The following CCSER1 variants were observed in gnomAD, a reference collection of about 807,000 sequenced individuals.
CCSER1 encodes serine-rich coiled-coil domain-containing protein 1.
In CCSER1, 41 loss-of-function variants were observed where a neutral mutation model predicts 82.0. The observed-to-expected ratio is 0.50, with a 90% CI of 0.39 to 0.65. The LOEUF (loss-of-function observed/expected upper bound fraction) is 0.65. Among genes scored for constraint, CCSER1 ranks in the 30% least tolerant of loss-of-function variants. The pLI, the probability that CCSER1 is intolerant of heterozygous loss-of-function variation, is 0.00. For missense variants in CCSER1, 1,119 were observed against 1,064.2 expected, an observed-to-expected ratio of 1.05 and a Z score of -0.72; for synonymous variants, 414 against 383.9, an observed-to-expected ratio of 1.08 and a Z score of -0.92.
Position 90,510,716 on chromosome 4 carries a change from G to A in CCSER1, c.1724+42362G>A, listed in dbSNP as rs1560635576. Among the ~76,000 whole-genome samples the A allele has an allele frequency of 2.0e-5, 3 of 152,322 alleles. No homozygotes were observed. In the South Asian group the frequency reaches 6.2e-4, roughly 32 times the overall value. On this transcript the variant is annotated intron_variant, in intron 5 of 10. Coordinates refer to ENST00000509176, the MANE Select transcript of CCSER1 (RefSeq NM_001145065.2). Reference sequence around the variant, plus strand: ...CTGCCATGAGCAGCCATAAACACCTGCTCACTGATGACATCTCATAGCTAG... The same window carrying A: ...CTGCCATGAGCAGCCATAAACACCTACTCACTGATGACATCTCATAGCTAG...
chr4:91,175,913 G>C (rs1361501956), intron 10 of CCSER1, among the ~76,000 whole-genome samples: 1 of 152,198 alleles, frequency 6.6e-6, no homozygotes, highest in Non-Finnish European at 1.5e-5. Flanking sequence ...CCTATGTCCT[G>C]AATGTTATTG....
intron 8 of CCSER1, among the ~76,000 whole-genome samples, chr4:90,897,566 C>T (rs1405236688): frequency 6.6e-6 from 1 of 152,000 alleles, no homozygotes; most frequent in Non-Finnish European, 1.5e-5. Context: ...GGTTTCATGA[C>T]TTTACTATTG....
At chr4:90,663,573 C>T (rs984682294) in intron 6 of CCSER1, among the ~76,000 whole-genome samples, 6 of 152,208 alleles carry the variant, frequency 3.9e-5, no homozygotes, top group African/African-American at 1.2e-4. Context: ...TCACTGCAAG[C>T]TTAAACCCTG....
At chr4:90,583,955 A>C (rs1465930699) in intron 5 of CCSER1, among the ~76,000 whole-genome samples, 4 of 152,146 alleles carry the variant, frequency 2.6e-5, no homozygotes, top group Admixed American at 2.6e-4. Context: ...AATAATATAA[A>C]AGGTACAATT....
intron 10 of CCSER1, among the ~76,000 whole-genome samples, chr4:91,275,009 G>A (rs1030643649): frequency 6.6e-6 from 1 of 151,984 alleles, no homozygotes; most frequent in Admixed American, 6.5e-5. Flanking sequence ...GGGAGGCTGA[G>A]GCAGGAGAAT....
intron 10 of CCSER1, among the ~76,000 whole-genome samples, chr4:91,433,989 T>C (rs910327302): frequency 6.6e-6 from 1 of 152,168 alleles, no homozygotes; most frequent in Non-Finnish European, 1.5e-5. Flanking sequence ...GTAACACTAA[T>C]AGGGACAAGG....
intron 10 of CCSER1, among the ~76,000 whole-genome samples, chr4:91,233,435 A>G (rs1327225922): frequency 6.6e-6 from 1 of 151,908 alleles, no homozygotes; most frequent in East Asian, 1.9e-4. Context: ...TGTGAATTTT[A>G]TTTAAGTTAT....
At position 90,932,982 on chromosome 4, in the gene CCSER1, G is replaced by A. The variant is rs796407613; in HGVS notation, c.2172+9535G>A. On this transcript the variant is annotated intron_variant, in intron 9 of 10. Coordinates refer to ENST00000509176, the MANE Select transcript of CCSER1 (RefSeq NM_001145065.2). ...AGAAAGAAAGAAAGAAAGAAAGAAA[G>A]AGAAAGAAAGAAAGAAAGAAAGAAA... Among the ~76,000 whole-genome samples, 46 of 18,846 alleles carry A rather than the reference G, an allele frequency of 2.4e-3. 7 individuals carry two copies. The highest frequency in any genetic ancestry group is 0.045 in the Middle Eastern group (2 of 44). The allele number at this position is 18,846 out of a possible 152,430, so 12.4% of individuals were successfully genotyped here. A position where few individuals can be genotyped will look rare whatever the true frequency, so the allele number is the denominator to read the frequency against.
At chr4:90,913,129 C>T (rs1227698195) in intron 8 of CCSER1, among the ~76,000 whole-genome samples, 1 of 152,036 alleles carries the variant, frequency 6.6e-6, no homozygotes, top group African/African-American at 2.4e-5. Context: ...ATTCAGGAAA[C>T]ACAGAGAACA....
intron 5 of CCSER1, among the ~76,000 whole-genome samples, chr4:90,580,800 T>C (rs1781343954): frequency 6.6e-6 from 1 of 152,212 alleles, no homozygotes; most frequent in Non-Finnish European, 1.5e-5. Context: ...ATAACACTAT[T>C]GTAGCCTCTG....
chr4:91,093,280 T>C (rs1044934265), intron 10 of CCSER1, among the ~76,000 whole-genome samples: 8 of 152,190 alleles, frequency 5.3e-5, no homozygotes, highest in African/African-American at 1.9e-4. Context: ...CTGATGCCCA[T>C]GACTGGTCTC....
At chr4:90,438,520 A>G (rs1435218842) in intron 4 of CCSER1, among the ~76,000 whole-genome samples, 1 of 152,198 alleles carries the variant, frequency 6.6e-6, no homozygotes, top group Non-Finnish European at 1.5e-5. Flanking sequence ...AAACCTGATT[A>G]GTACTATAGT....
chr4:90,988,415 A>G (rs943580284), intron 9 of CCSER1, among the ~76,000 whole-genome samples: 26 of 148,584 alleles, frequency 1.7e-4, no homozygotes, highest in Non-Finnish European at 3.3e-4. Context: ...TTTTTGGTTC[A>G]TATAACATAA....
intron 10 of CCSER1, among the ~76,000 whole-genome samples, chr4:91,513,133 G>A (rs1024601590): frequency 6.6e-6 from 1 of 152,014 alleles, no homozygotes; most frequent in Admixed American, 6.6e-5. Flanking sequence ...ATATTTTGAG[G>A]TATGTTCTTT....
At chr4:90,396,452 A>T (rs1007675784) in intron 3 of CCSER1, among the ~76,000 whole-genome samples, 1 of 152,204 alleles carries the variant, frequency 6.6e-6, no homozygotes, top group African/African-American at 2.4e-5. Flanking sequence ...TTTTATAAAC[A>T]TAAGTATAAT....
At chr4:90,232,317 C>T (rs1357727520) in intron 1 of CCSER1, among the ~76,000 whole-genome samples, 6 of 151,052 alleles carry the variant, frequency 4.0e-5, no homozygotes, top group South Asian at 2.1e-4. Context: ...GAAATAATGC[C>T]GCATATCTAC....
At chr4:90,180,652 A>T (rs1170731073) in intron 1 of CCSER1, among the ~76,000 whole-genome samples, 1 of 152,068 alleles carries the variant, frequency 6.6e-6, no homozygotes, top group Non-Finnish European at 1.5e-5. Flanking sequence ...ATTATTATGG[A>T]TGAGCCACCT....
intron 8 of CCSER1, among the ~76,000 whole-genome samples, chr4:90,821,376 A>G (rs564851592): frequency 7.9e-5 from 12 of 152,198 alleles, no homozygotes; most frequent in African/African-American, 1.2e-4. Flanking sequence ...GTGATTGGAG[A>G]GAATATTAGC....
At chr4:91,268,663 T>C (rs1340396583) in intron 10 of CCSER1, among the ~76,000 whole-genome samples, 1 of 151,900 alleles carries the variant, frequency 6.6e-6, no homozygotes, top group Non-Finnish European at 1.5e-5. Flanking sequence ...CAAAGGGAGA[T>C]AGGGGTGGGG....
Sources: gnomAD v4.1 joint callset for allele counts (sites outside exome capture counted in the v4.1 genomes callset) on GRCh38, gnomAD v4.1.1 for gene constraint, MANE v1.5 for transcripts, NCBI Gene and HGNC (gene_info 2026-07-23, HGNC 2026-07-21) for gene names.